Variants in LRRC4C observed in about 807,000 individuals in gnomAD.
LRRC4C encodes the protein leucine-rich repeat-containing protein 4C.
A neutral mutation model predicts 33.6 loss-of-function variants in LRRC4C; 5 were observed. The observed-to-expected ratio is 0.15, with a 90% CI of 0.08 to 0.31. The LOEUF (loss-of-function observed/expected upper bound fraction) is 0.31. LRRC4C is among the 10% of genes least tolerant of loss of function. The pLI is 1.00. For synonymous variants in LRRC4C, 329 were observed against 302.0 expected, an observed-to-expected ratio of 1.09 and a Z score of -0.93; for missense variants, 560 against 796.7, an observed-to-expected ratio of 0.70 and a Z score of 3.58.
chr11:41,299,318 T>C (rs1008464487), intron 1 of LRRC4C, among the ~76,000 whole-genome samples: 2 of 152,160 alleles, frequency 1.3e-5, no homozygotes, highest in Non-Finnish European at 2.9e-5. Context: ...CAAACTTTCT[T>C]ATAATTGTAA....
intron 4 of LRRC4C, among the ~76,000 whole-genome samples, chr11:40,315,140 A>G (rs966030581): frequency 2.6e-5 from 4 of 151,998 alleles, no homozygotes; most frequent in Non-Finnish European, 5.9e-5. Flanking sequence ...GTATCACTGT[A>G]TACTCCCAAA....
At chr11:40,677,056 C>T (rs898674551) in intron 2 of LRRC4C, among the ~76,000 whole-genome samples, 8 of 152,072 alleles carry the variant, frequency 5.3e-5, no homozygotes, top group Non-Finnish European at 2.9e-5. Flanking sequence ...TTTCTCTTTT[C>T]TAGAAAAGAG....
At chr11:40,549,540 A>C (rs1193372806) in intron 3 of LRRC4C, among the ~76,000 whole-genome samples, 1 of 152,190 alleles carries the variant, frequency 6.6e-6, no homozygotes, top group Non-Finnish European at 1.5e-5. Flanking sequence ...ATAAATGTAC[A>C]AAAAATAACT....
chr11:40,121,770 A>G (rs1855844881), intron 6 of LRRC4C, among the ~76,000 whole-genome samples: 1 of 152,198 alleles, frequency 6.6e-6, no homozygotes, highest in Non-Finnish European at 1.5e-5. Flanking sequence ...ATCATTGCTA[A>G]GTCATCATAG....
chr11:40,910,691 C>G (rs549322924), intron 2 of LRRC4C, among the ~76,000 whole-genome samples: 8 of 152,264 alleles, frequency 5.3e-5, no homozygotes, highest in Admixed American at 3.3e-4. Flanking sequence ...GATTGTCAGA[C>G]AGTGGGTGCA....
At chr11:40,971,587 T>C (rs1165946594) in intron 1 of LRRC4C, among the ~76,000 whole-genome samples, 2 of 152,116 alleles carry the variant, frequency 1.3e-5, no homozygotes, top group African/African-American at 2.4e-5. Flanking sequence ...ATGGAAAATA[T>C]GGGTTTGGAG....
intron 2 of LRRC4C, among the ~76,000 whole-genome samples, chr11:40,864,854 C>T (rs1404422937): frequency 1.3e-5 from 2 of 152,206 alleles, no homozygotes; most frequent in African/African-American, 4.8e-5. Context: ...CAGCATGTAG[C>T]CCCTTCTGTG....
intron 5 of LRRC4C, among the ~76,000 whole-genome samples, chr11:40,164,607 A>G (rs1176811885): frequency 6.6e-6 from 1 of 152,180 alleles, no homozygotes; most frequent in East Asian, 1.9e-4. Flanking sequence ...CAGCACTAGA[A>G]AGACAAATAT....
intron 2 of LRRC4C, among the ~76,000 whole-genome samples, chr11:40,705,209 GT>G (rs1481964752): frequency 6.6e-6 from 1 of 151,868 alleles, no homozygotes; most frequent in Non-Finnish European, 1.5e-5. Context: ...TTTTATTTTA[GT>G]TTTTTTATTA....
At chr11:41,206,231 G>A (rs1249754042) in intron 1 of LRRC4C, among the ~76,000 whole-genome samples, 1 of 152,064 alleles carries the variant, frequency 6.6e-6, no homozygotes, top group Admixed American at 6.6e-5. Context: ...CCACCAGGTT[G>A]GCTTTTTCTA....
chr11:41,142,538 A>G (rs1490631934), intron 1 of LRRC4C, among the ~76,000 whole-genome samples: 1 of 152,152 alleles, frequency 6.6e-6, no homozygotes, highest in Non-Finnish European at 1.5e-5. Flanking sequence ...TAAACATGTA[A>G]ATTGTATATT....
intron 1 of LRRC4C, among the ~76,000 whole-genome samples, chr11:41,056,089 C>T (rs1258398526): frequency 1.3e-5 from 2 of 152,036 alleles, no homozygotes; most frequent in Non-Finnish European, 2.9e-5. Context: ...CTCAAAATAT[C>T]ACTCTAGAAA....
At chr11:40,895,624 C>A (rs1423532885) in intron 2 of LRRC4C, among the ~76,000 whole-genome samples, 1 of 152,078 alleles carries the variant, frequency 6.6e-6, no homozygotes, top group East Asian at 1.9e-4. Flanking sequence ...TTGCATTATT[C>A]TTTGTCTGAA....
At chr11:41,384,183 A>G (rs989447960) in intron 1 of LRRC4C, among the ~76,000 whole-genome samples, 1 of 151,962 alleles carries the variant, frequency 6.6e-6, no homozygotes, top group African/African-American at 2.4e-5. Context: ...GCTTTGAACC[A>G]TTTAAGAACC....
At chr11:40,498,186 AG>A (rs1273916114) in intron 3 of LRRC4C, among the ~76,000 whole-genome samples, 1 of 152,146 alleles carries the variant, frequency 6.6e-6, no homozygotes, top group African/African-American at 2.4e-5. Context: ...AGAATGATTG[AG>A]TTCTGTTCCT....
At chr11:40,501,669 C>T (rs150470743) in intron 3 of LRRC4C, among the ~76,000 whole-genome samples, 9,849 of 152,178 alleles carry the variant, frequency 0.065, 843 homozygotes, top group African/African-American at 0.2. Context: ...CTGCACACAG[C>T]AGAGGGACCC....
intron 3 of LRRC4C, among the ~76,000 whole-genome samples, chr11:40,579,259 G>A (rs1031674313): frequency 4.6e-5 from 7 of 151,578 alleles, no homozygotes; most frequent in Admixed American, 3.3e-4. Flanking sequence ...CTTGAACCCA[G>A]AAGGCAGAGG....
intron 2 of LRRC4C, among the ~76,000 whole-genome samples, chr11:40,771,427 C>A (rs982410371): frequency 6.6e-6 from 1 of 152,092 alleles, no homozygotes; most frequent in Non-Finnish European, 1.5e-5. Context: ...GGGCTCTGGG[C>A]CTATGATGGG....
rs58139193 is a variant in LRRC4C, at chr11:41,279,428, A to ACACACACC, written c.-496+180002_-496+180003insGGTGTGTG. Among the ~76,000 whole-genome samples, 874 of 140,866 alleles carry ACACACACC rather than the reference A, an allele frequency of 6.2e-3. 17 individuals are homozygous for ACACACACC. Among genetic ancestry groups the ACACACACC allele is most frequent in the Admixed American group, 1.0e-2 (139 of 13,946 alleles). 92.4% of individuals were successfully genotyped at this position (140,866 alleles called of 152,430 possible). A position where few individuals can be genotyped will look rare whatever the true frequency, so the allele number is the denominator to read the frequency against. On this transcript the variant is annotated intron_variant, in intron 1 of 6. Transcript: ENST00000528697. Reference sequence around the variant, plus strand: ...CACACACACACACACACACACACACACCGTGGCAATCACTGCCTGCAATGG... The same window carrying ACACACACC: ...CACACACACACACACACACACACACACACACACCCCGTGGCAATCACTGCCTGCAATGG...
Sources: allele counts gnomAD v4.1 joint callset (sites outside exome capture counted in the v4.1 genomes callset), GRCh38; gene constraint gnomAD v4.1.1; transcripts MANE v1.5; gene names NCBI Gene and HGNC (gene_info 2026-07-23, HGNC 2026-07-21).